ERC2: variants seen among roughly 807,000 people sequenced by gnomAD.
The protein encoded by ERC2 is ELKS/RAB6-interacting/CAST family member 2.
ERC2 carries 42 observed loss-of-function variants against 114.8 expected under a neutral mutation model. That is an observed-to-expected ratio of 0.37 (90% CI 0.29 to 0.47). ERC2 has a LOEUF of 0.47. Ranked by LOEUF, ERC2 falls within the 20% of genes least tolerant of loss-of-function variation. The probability of loss-of-function intolerance (pLI) is 0.99; values close to 1 mark genes in which losing one functional copy is unlikely to be tolerated. For missense variants in ERC2, 939 were observed against 1,150.7 expected, an observed-to-expected ratio of 0.82 and a Z score of 2.66; for synonymous variants, 454 against 425.5, an observed-to-expected ratio of 1.07 and a Z score of -0.82.
intron 14 of ERC2, among the ~76,000 whole-genome samples, chr3:55,827,342 C>T (rs956413925): frequency 8.4e-5 from 12 of 143,256 alleles, no homozygotes; most frequent in Admixed American, 2.1e-4. Flanking sequence ...GAAAGAGGGA[C>T]GGAGGAGGAG....
At chr3:56,240,873 T>G (rs1306074505) in intron 3 of ERC2, among the ~76,000 whole-genome samples, 2 of 152,212 alleles carry the variant, frequency 1.3e-5, no homozygotes, top group East Asian at 1.9e-4. Flanking sequence ...GTTGGTTACG[T>G]GGATATATCG....
At chr3:55,864,761 C>G (rs1293241397) in intron 14 of ERC2, among the ~76,000 whole-genome samples, 1 of 152,116 alleles carries the variant, frequency 6.6e-6, no homozygotes, top group Admixed American at 6.6e-5. Flanking sequence ...ATCACAATCA[C>G]AGTCATCATC....
intron 3 of ERC2, among the ~76,000 whole-genome samples, chr3:56,270,754 C>T (rs559012810): frequency 3.5e-4 from 53 of 152,230 alleles, no homozygotes; most frequent in East Asian, 2.3e-3. Flanking sequence ...CCAAGGTGGG[C>T]GGATCACGAG....
intron 3 of ERC2, among the ~76,000 whole-genome samples, chr3:56,180,927 T>C (rs895462785): frequency 5.3e-5 from 8 of 152,234 alleles, no homozygotes; most frequent in African/African-American, 1.9e-4. Context: ...GTCTATCTTT[T>C]TCATGCATGT....
At chr3:55,789,698 G>C (rs2069823775) in intron 14 of ERC2, among the ~76,000 whole-genome samples, 1 of 152,208 alleles carries the variant, frequency 6.6e-6, no homozygotes, top group African/African-American at 2.4e-5. Context: ...CACATGGTAT[G>C]CTGGAAGAGA....
intron 17 of ERC2, among the ~76,000 whole-genome samples, chr3:55,542,382 T>C (rs2054457517): frequency 1.3e-5 from 2 of 152,274 alleles, no homozygotes; most frequent in Admixed American, 1.3e-4. Context: ...TGTGGCTCTG[T>C]GAAAAGAGTG....
rs76912335 is a variant in ERC2, at chr3:55,973,124, G to A, written c.2267+12853C>T. Among the ~76,000 whole-genome samples the A allele has an allele frequency of 3.9e-4, 60 of 152,310 alleles. 2 individuals are homozygous for A. In the East Asian group the frequency reaches 0.011, roughly 29 times the overall value. The stretch of plus-strand genomic sequence containing the variant: ...GGGAACAGGGGCCTCCAGACACAGG[G>A]TGTTGCCTCACTGATTTTATCTGGA... On this transcript the variant is annotated intron_variant, in intron 12 of 17. Coordinates refer to ENST00000288221, the MANE Select transcript of ERC2 (RefSeq NM_015576.3).
intron 17 of ERC2, among the ~76,000 whole-genome samples, chr3:55,666,785 C>T (rs1229414490): frequency 1.3e-5 from 2 of 152,188 alleles, no homozygotes; most frequent in East Asian, 1.9e-4. Flanking sequence ...TGGCATAGAG[C>T]GTGTTCTCCA....
At chr3:55,872,988 A>G (rs2062655067) in intron 14 of ERC2, among the ~76,000 whole-genome samples, 1 of 152,166 alleles carries the variant, frequency 6.6e-6, no homozygotes, top group South Asian at 2.1e-4. Context: ...GATTGTCACA[A>G]CTGGGGGAGG....
chr3:55,709,566 C>T (rs537159767), intron 15 of ERC2, among the ~76,000 whole-genome samples: 1 of 152,230 alleles, frequency 6.6e-6, no homozygotes, highest in Admixed American at 6.5e-5. Flanking sequence ...ATGAACATGT[C>T]CTGAGAACTG....
intron 1 of ERC2, among the ~76,000 whole-genome samples, chr3:56,445,388 C>T (rs1020837076): frequency 5.3e-5 from 8 of 152,188 alleles, no homozygotes; most frequent in African/African-American, 1.7e-4. Flanking sequence ...AATTCTACCT[C>T]CAAAATTGCT....
intron 3 of ERC2, among the ~76,000 whole-genome samples, chr3:56,291,540 G>A (rs1203872421): frequency 6.6e-6 from 1 of 152,050 alleles, no homozygotes; most frequent in African/African-American, 2.4e-5. Context: ...AGCTGAACAA[G>A]GCCAGGAGAT....
chr3:55,695,872 C>T (rs1362933451), intron 16 of ERC2, among the ~76,000 whole-genome samples: 2 of 152,112 alleles, frequency 1.3e-5, no homozygotes, highest in Non-Finnish European at 2.9e-5. Flanking sequence ...CTGGGAAATA[C>T]TGGATTAAAT....
intron 1 of ERC2, among the ~76,000 whole-genome samples, chr3:56,454,687 TA>T (rs1169838792): frequency 4.0e-5 from 6 of 151,752 alleles, no homozygotes; most frequent in Non-Finnish European, 7.4e-5. Flanking sequence ...CCATCTTTAC[TA>T]AAAAATACAA....
intron 12 of ERC2, among the ~76,000 whole-genome samples, chr3:55,954,408 C>T (rs559863887): frequency 1.3e-5 from 2 of 152,246 alleles, no homozygotes; most frequent in East Asian, 1.9e-4. Context: ...GAACAGAATC[C>T]TGCCATTTTC....
At chr3:56,023,344 G>A (rs544319476) in intron 7 of ERC2, among the ~76,000 whole-genome samples, 119 of 152,184 alleles carry the variant, frequency 7.8e-4, no homozygotes, top group African/African-American at 2.7e-3. Context: ...GAGGCCCTCC[G>A]AGGGATGGTC....
chr3:56,016,542 C>A (rs550684826), intron 8 of ERC2, among the ~76,000 whole-genome samples: 126 of 151,720 alleles, frequency 8.3e-4, no homozygotes, highest in African/African-American at 2.9e-3. Flanking sequence ...GTTTACATCA[C>A]GATGACTTGG....
chr3:56,010,837 A>G (rs986662065), intron 8 of ERC2, among the ~76,000 whole-genome samples: 6 of 152,238 alleles, frequency 3.9e-5, no homozygotes, highest in Non-Finnish European at 7.3e-5. Flanking sequence ...GTAATGTTCA[A>G]GTTCTGTGGT....
chr3:56,340,127 G>A (rs1363192946), intron 2 of ERC2, among the ~76,000 whole-genome samples: 1 of 152,084 alleles, frequency 6.6e-6, no homozygotes, highest in East Asian at 1.9e-4. Context: ...TCCATGTTTT[G>A]TTTAAAATAA....
Sources: allele counts gnomAD v4.1 joint callset (sites outside exome capture counted in the v4.1 genomes callset), GRCh38; gene constraint gnomAD v4.1.1; transcripts MANE v1.5; gene names NCBI Gene and HGNC (gene_info 2026-07-23, HGNC 2026-07-21).